RNFT2: variants seen among roughly 807,000 people sequenced by gnomAD.
RNFT2 encodes the protein ring finger protein, transmembrane 2, also known as E3 ubiquitin-protein ligase RNFT2.
In RNFT2, 36 loss-of-function variants were observed where a neutral mutation model predicts 53.0. The ratio of observed to expected loss-of-function variants is 0.68; its 90% CI spans 0.52 to 0.90. The LOEUF (loss-of-function observed/expected upper bound fraction) is 0.90, where lower values mean the gene tolerates loss of function less well. Among genes scored for constraint, RNFT2 ranks in the 40% least tolerant of loss-of-function variants. RNFT2 has a pLI of 0.00. For synonymous variants in RNFT2, 260 were observed against 253.2 expected, an observed-to-expected ratio of 1.03 and a Z score of -0.26; for missense variants, 514 against 585.6, an observed-to-expected ratio of 0.88 and a Z score of 1.26.
chr12:116,832,672 A>G (rs1459269777), intron 7 of RNFT2, among the ~76,000 whole-genome samples: 2 of 152,174 alleles, frequency 1.3e-5, no homozygotes, highest in East Asian at 3.9e-4. Context: ...AACACAGGCC[A>G]CAGAAAGCTT....
chr12:116,844,667 G>C (rs1327604654), intron 10 of RNFT2, among the ~76,000 whole-genome samples: 1 of 152,022 alleles, frequency 6.6e-6, no homozygotes, highest in East Asian at 1.9e-4. Flanking sequence ...AAATATAAAG[G>C]GGTCTTAGCA....
At chr12:116,834,510 A>G (rs1400628630) in intron 8 of RNFT2, among the ~76,000 whole-genome samples, 1 of 152,168 alleles carries the variant, frequency 6.6e-6, no homozygotes, top group Non-Finnish European at 1.5e-5. Context: ...GTTCCAAGAC[A>G]TTTTCATCAC....
At chr12:116,845,448 CAT>C (rs1044574437) in intron 10 of RNFT2, among the ~76,000 whole-genome samples, 1 of 151,850 alleles carries the variant, frequency 6.6e-6, no homozygotes, top group African/African-American at 2.4e-5. Flanking sequence ...ATCGGGGCAA[CAT>C]CATAAAACAG....
intron 7 of RNFT2, among the ~76,000 whole-genome samples, chr12:116,779,591 G>A (rs993730800): frequency 6.6e-6 from 1 of 152,118 alleles, no homozygotes; most frequent in Non-Finnish European, 1.5e-5. Flanking sequence ...AAGTTAGGTT[G>A]TTCACAGCTA....
chr12:116,816,692 G>A lies in RNFT2; in HGVS notation c.883-17100G>A, dbSNP rs901028603. Among the ~76,000 whole-genome samples, 3 of 152,194 alleles carry A rather than the reference G, an allele frequency of 2.0e-5. 1 individual carries two copies. Among genetic ancestry groups the A allele is most frequent in the Admixed American group, 2.0e-4 (3 of 15,284 alleles). ...CAAAATGGTGAACTTCTCTGAAACT[G>A]AGCCTCAGTTTCTCTCATCTGCAAA... On this transcript the variant is annotated intron_variant, in intron 7 of 10. Transcript: ENST00000257575.
intron 10 of RNFT2, among the ~76,000 whole-genome samples, chr12:116,845,200 C>A (rs1877539855): frequency 6.9e-6 from 1 of 144,876 alleles, no homozygotes; most frequent in Non-Finnish European, 1.5e-5. Context: ...GCTGTGATCG[C>A]ACCACTGCAC....
At chr12:116,769,773 T>C (rs918977586) in intron 6 of RNFT2, among the ~76,000 whole-genome samples, 3 of 152,160 alleles carry the variant, frequency 2.0e-5, no homozygotes, top group Admixed American at 2.0e-4. Flanking sequence ...GGCTCATGCC[T>C]GTAATCCCAG....
At position 116,852,694 on chromosome 12, in the gene RNFT2, T is replaced by C; in HGVS notation, c.*3246T>C. 6.2e-7 allele frequency: 1 copy of C among 1,614,000 alleles called. No homozygotes were observed. The highest frequency in any genetic ancestry group is 8.5e-7 in the Non-Finnish European group (1 of 1,179,872). On this transcript the variant is annotated 3_prime_UTR_variant, in exon 11 of 11. Coordinates refer to ENST00000257575, the MANE Select transcript of RNFT2 (RefSeq NM_001382266.1). Reference sequence around the variant, plus strand: ...AGAAATTGGAGCTGGAGAAGATTGATGAAAGTGCAGGTGTGTAAGGAAATA... The same window carrying C: ...AGAAATTGGAGCTGGAGAAGATTGACGAAAGTGCAGGTGTGTAAGGAAATA...
intron 7 of RNFT2, among the ~76,000 whole-genome samples, chr12:116,829,132 C>T (rs368800835): frequency 5.9e-5 from 9 of 151,948 alleles, no homozygotes; most frequent in African/African-American, 2.2e-4. Flanking sequence ...ATGAGGGAGG[C>T]ATGGGGCAGC....
Position 116,755,259 on chromosome 12 carries a change from T to A in RNFT2, c.627+1199T>A, listed in dbSNP as rs969255436. The A allele has an allele frequency of 9.8e-5, 60 of 610,436 alleles. 1 individual carries two copies. The highest frequency in any genetic ancestry group is 1.8e-4 in the Admixed American group (6 of 33,164). The allele number at this position is 610,436 out of a possible 1,614,324, so 37.8% of individuals were successfully genotyped here. ...TGAAAAGGGTGTCCTTTCCCCACTT[T>A]ATGTTTTTGTTATGTTCAGTTAGCT... On this transcript the variant is annotated intron_variant, in intron 5 of 10. Transcript: ENST00000257575.
intron 6 of RNFT2, among the ~76,000 whole-genome samples, chr12:116,768,099 CTTTT>C (rs528793630): frequency 1.5e-5 from 2 of 131,956 alleles, no homozygotes; most frequent in Admixed American, 7.6e-5. Flanking sequence ...ACAGTTTGGC[CTTTT>C]TTTTTTTTTT....
At chr12:116,750,694 T>A (rs1158437180) in intron 4 of RNFT2, among the ~76,000 whole-genome samples, 1 of 150,554 alleles carries the variant, frequency 6.6e-6, no homozygotes, top group Non-Finnish European at 1.5e-5. Context: ...AGTTTCCTCA[T>A]CTATCAAGTG....
intron 7 of RNFT2, among the ~76,000 whole-genome samples, chr12:116,807,179 G>A (rs529617693): frequency 2.6e-5 from 4 of 152,178 alleles, no homozygotes; most frequent in South Asian, 2.1e-4. Flanking sequence ...TCTCTGTACC[G>A]GGGTGATTAT....
In RNFT2 at chr12:116,852,562, C is replaced by G. The variant is rs1393290830; in HGVS notation, c.*3114C>G. On this transcript the variant is annotated 3_prime_UTR_variant, in exon 11 of 11. Transcript: ENST00000257575. Reference sequence around the variant, plus strand: ...ATGGGGCCATGTGAATGCAGCTGCTCTGTTCTCCCTACCCTGAGGAAAAAC... The same window carrying G: ...ATGGGGCCATGTGAATGCAGCTGCTGTGTTCTCCCTACCCTGAGGAAAAAC... 1 of 1,608,754 alleles carries G rather than the reference C, an allele frequency of 6.2e-7. No homozygotes were observed. The highest frequency in any genetic ancestry group is 1.7e-5 in the Admixed American group (1 of 59,624).
chr12:116,793,367 TG>T (rs1377411420), intron 7 of RNFT2, among the ~76,000 whole-genome samples: 1 of 152,078 alleles, frequency 6.6e-6, no homozygotes, highest in African/African-American at 2.4e-5. Flanking sequence ...TTAAAATTTT[TG>T]TAGAGACAGG....
chr12:116,787,980 T>A (rs1282302892), intron 7 of RNFT2, among the ~76,000 whole-genome samples: 1 of 152,148 alleles, frequency 6.6e-6, no homozygotes, highest in African/African-American at 2.4e-5. Context: ...CAGGCTGGAG[T>A]GCAATGGCGC....
At chr12:116,843,634 C>T (rs1173101488) in intron 10 of RNFT2, among the ~76,000 whole-genome samples, 1 of 152,118 alleles carries the variant, frequency 6.6e-6, no homozygotes, top group Non-Finnish European at 1.5e-5. Context: ...CTCCCCCTTC[C>T]TCTGTAGACG....
chr12:116,784,927 A>G (rs559338438), intron 7 of RNFT2, among the ~76,000 whole-genome samples: 39 of 152,046 alleles, frequency 2.6e-4, no homozygotes, highest in Non-Finnish European at 4.3e-4. Flanking sequence ...GTCCTCTCCT[A>G]TCACTTCCCC....
chr12:116,837,662 A>C (rs1425605261), intron 10 of RNFT2, among the ~76,000 whole-genome samples: 1 of 152,208 alleles, frequency 6.6e-6, no homozygotes, highest in African/African-American at 2.4e-5. Flanking sequence ...ATGATGACTA[A>C]ACACAGTCTG....
Sources: gnomAD v4.1 joint callset for allele counts (sites outside exome capture counted in the v4.1 genomes callset) on GRCh38, gnomAD v4.1.1 for gene constraint, MANE v1.5 for transcripts, NCBI Gene and HGNC (gene_info 2026-07-23, HGNC 2026-07-21) for gene names.